EDEM1: variants seen among roughly 807,000 people sequenced by gnomAD.
The protein encoded by EDEM1 is ER degradation-enhancing alpha-mannosidase-like protein 1.
EDEM1 carries 67 observed loss-of-function variants against 74.4 expected under a neutral mutation model. That is an observed-to-expected ratio of 0.90 (90% CI 0.74 to 1.10). The LOEUF (loss-of-function observed/expected upper bound fraction) is 1.10, where lower values mean the gene tolerates loss of function less well. Ranked by LOEUF, EDEM1 falls within the 50% of genes least tolerant of loss-of-function variation. EDEM1 has a pLI of 0.00. For missense variants in EDEM1, 926 were observed against 851.6 expected (o/e 1.09, Z -1.09); for synonymous variants, 382 against 335.9 (o/e 1.14, Z -1.50).
chr3:5,213,337 C>T lies in EDEM1; in HGVS notation c.1699C>T (p.Pro567Ser). Residue 567 changes from proline (P) to serine (S), a missense_variant, in exon 11 of 12, where the codon CCA (proline) becomes TCA (serine). Pro to Ser is a moderately conservative substitution (Grantham distance 74). Transcript: ENST00000256497. ...YLYLLFDEDN[P>S]VHKSGTRYMF... ...CCTCTAGCTGTTTGATGAAGACAAT[C>T]CAGTACACAAGTCTGGAACCAGATA... The T allele has an allele frequency of 6.2e-7, 1 of 1,613,680 alleles. No homozygotes were observed. Among genetic ancestry groups the T allele is most frequent in the Non-Finnish European group, 8.5e-7 (1 of 1,179,800 alleles).
chr3:5,204,925 G>C, intron 5 of EDEM1, 142 bp from the exon 6 acceptor site: 2 of 797,776 alleles, frequency 2.5e-6, no homozygotes, highest in Non-Finnish European at 2.0e-6. Context: ...AAAAATGTTA[G>C]GTCCAAGCAA....
At chr3:5,213,191 C>T (rs2055188309) in intron 10 of EDEM1, 128 bp from the exon 11 acceptor site, 3 of 898,940 alleles carry the variant, frequency 3.3e-6, no homozygotes, top group Non-Finnish European at 5.0e-6. Flanking sequence ...TTCCTTTTCA[C>T]CCAGTTGTCA....
At chr3:5,189,743 G>A (rs1318740710) in intron 1 of EDEM1, among the ~76,000 whole-genome samples, 4 of 152,158 alleles carry the variant, frequency 2.6e-5, no homozygotes, top group Non-Finnish European at 5.9e-5. Context: ...TGGGACTACA[G>A]ACTCGTGCCA....
chr3:5,194,763 A>C (rs1416193219), intron 1 of EDEM1, among the ~76,000 whole-genome samples: 1 of 152,224 alleles, frequency 6.6e-6, no homozygotes, highest in African/African-American at 2.4e-5. Flanking sequence ...TAATGTATTT[A>C]CTTCTTTTTG....
Position 5,199,672 on chromosome 3 carries a change from C to T in EDEM1, c.663C>T (p.Val221=). The T allele has an allele frequency of 1.2e-6, 2 of 1,613,588 alleles. No homozygotes were observed. Among genetic ancestry groups the T allele is most frequent in the South Asian group, 1.1e-5 (1 of 90,988 alleles). The change falls in exon 3 of 12, where the codon GTC becomes GTT. Residue 221 remains valine, a synonymous_variant. Transcript: ENST00000256497. The part of the protein sequence containing the change: ...NTVSFDKDST[V]QVFEATIRVL... Reference sequence around the variant, plus strand: ...TTTCATTTGACAAAGATTCCACCGTCCAAGTCTTTGAGGCCACGATAAGGT... The same window carrying T: ...TTTCATTTGACAAAGATTCCACCGTTCAAGTCTTTGAGGCCACGATAAGGT...
At chr3:5,197,598 ATC>A (rs1392837581) in intron 2 of EDEM1, among the ~76,000 whole-genome samples, 1 of 152,154 alleles carries the variant, frequency 6.6e-6, no homozygotes, top group African/African-American at 2.4e-5. Context: ...AAACAGACTC[ATC>A]TCTGTGGTTT....
intron 2 of EDEM1, among the ~76,000 whole-genome samples, chr3:5,198,648 A>G (rs1326552182): frequency 6.7e-6 from 1 of 148,448 alleles, no homozygotes; most frequent in African/African-American, 2.5e-5. Flanking sequence ...GTAAATTGTA[A>G]GGGACGTATA....
intron 1 of EDEM1, among the ~76,000 whole-genome samples, chr3:5,192,896 G>A (rs979828503): frequency 2.0e-5 from 3 of 151,634 alleles, no homozygotes; most frequent in African/African-American, 7.3e-5. Flanking sequence ...GTGGAGAGAA[G>A]AAACCCCACA....
At chr3:5,201,000 G>T (rs1054858622) in intron 3 of EDEM1, among the ~76,000 whole-genome samples, 6 of 151,226 alleles carry the variant, frequency 4.0e-5, no homozygotes, top group African/African-American at 1.5e-4. Context: ...GGGCTCAAGC[G>T]ATCCTCCCAC....
rs141409584 is a variant in EDEM1 at position 5,205,881 on chromosome 3, G to A, written c.1217+640G>A. 1.4e-3 allele frequency among the ~76,000 whole-genome samples: 208 copies of A among 151,950 alleles called. 1 individual carries two copies. The highest frequency in any genetic ancestry group is 4.9e-3 in the African/African-American group (203 of 41,450). On this transcript the variant is annotated intron_variant, in intron 6 of 11. Transcript: ENST00000256497. ...TGGGAGGGGGCTGTGCAAGCGTGTGGCTCGCACGGATGGAGGTTCTCGGGG... is the reference window on the plus strand; with the variant it reads ...TGGGAGGGGGCTGTGCAAGCGTGTGACTCGCACGGATGGAGGTTCTCGGGG...
At chr3:5,213,088 G>A (rs980296881) in intron 10 of EDEM1, among the ~76,000 whole-genome samples, 13 of 152,232 alleles carry the variant, frequency 8.5e-5, no homozygotes, top group Non-Finnish European at 1.3e-4. Context: ...GGCAGGGTAT[G>A]TGTAGGGGAG....
chr3:5,188,361 C>A, intron 1 of EDEM1, 47 bp downstream of exon 1: 1 of 1,366,888 alleles, frequency 7.3e-7, no homozygotes, highest in Non-Finnish European at 9.4e-7. Context: ...GCGCTTCCTT[C>A]CGCCCTCCGC....
At chr3:5,204,228 A>G (rs558794373) in intron 5 of EDEM1, among the ~76,000 whole-genome samples, 13 of 152,254 alleles carry the variant, frequency 8.5e-5, no homozygotes, top group South Asian at 2.1e-4. Flanking sequence ...TGTAACTTCT[A>G]TATATTTTTC....
In EDEM1 at chr3:5,188,875, T is replaced by G. The variant is rs1398301332; in HGVS notation, c.509+561T>G. ...ACAGCCTCTCCTTCACAGGGGCTGCTTCTTAGGCTGAGGATAGTTAGGTGG... is the reference window on the plus strand; with the variant it reads ...ACAGCCTCTCCTTCACAGGGGCTGCGTCTTAGGCTGAGGATAGTTAGGTGG... On this transcript the variant is annotated intron_variant, in intron 1 of 11. Transcript: ENST00000256497. Among the ~76,000 whole-genome samples the G allele has an allele frequency of 3.9e-5, 6 of 152,212 alleles. No homozygotes were observed. In the East Asian group the frequency reaches 9.6e-4, roughly 24 times the overall value.
chr3:5,198,728 G>A (rs954255725), intron 2 of EDEM1, among the ~76,000 whole-genome samples: 1 of 141,408 alleles, frequency 7.1e-6, no homozygotes, highest in Non-Finnish European at 1.5e-5. Context: ...TGGGAGGCAG[G>A]TTTGCCTGAT....
intron 3 of EDEM1, among the ~76,000 whole-genome samples, chr3:5,201,397 C>A (rs1438279125): frequency 6.6e-6 from 1 of 152,074 alleles, no homozygotes; most frequent in African/African-American, 2.4e-5. Flanking sequence ...TCAAGAGATG[C>A]ATCTCTCTTG....
intron 1 of EDEM1, 40 bp downstream of exon 1, chr3:5,188,354 C>T: frequency 7.3e-7 from 1 of 1,375,820 alleles, no homozygotes; most frequent in South Asian, 1.8e-5. Context: ...CGCCCACGCG[C>T]TTCCTTCCGC....
intron 1 of EDEM1, 105 bp from the exon 2 acceptor site, chr3:5,195,104 A>G (rs2054948475): frequency 3.5e-6 from 2 of 566,580 alleles, no homozygotes; most frequent in Non-Finnish European, 5.7e-6. Context: ...TAGTTCCTGA[A>G]TAAATAAGAG....
chr3:5,203,730 T>C (rs1280611568), intron 5 of EDEM1, among the ~76,000 whole-genome samples: 1 of 152,176 alleles, frequency 6.6e-6, no homozygotes, highest in Non-Finnish European at 1.5e-5. Flanking sequence ...CAAGGTGTTA[T>C]TTTATTTATT....
Sources: allele counts gnomAD v4.1 joint callset (sites outside exome capture counted in the v4.1 genomes callset), GRCh38; gene constraint gnomAD v4.1.1; transcripts MANE v1.5; gene names NCBI Gene and HGNC (gene_info 2026-07-23, HGNC 2026-07-21).